GLB1L3: variants seen among roughly 807,000 people sequenced by gnomAD.
GLB1L3 encodes the protein galactosidase beta 1 like 3.
In GLB1L3, 89 loss-of-function variants were observed where a neutral mutation model predicts 89.5. The observed-to-expected ratio is 0.99, with a 90% confidence interval of 0.84 to 1.19. The LOEUF is 1.19. Among genes scored for constraint, GLB1L3 ranks in the 50% most tolerant of loss-of-function variants. The pLI, the probability that GLB1L3 is intolerant of heterozygous loss-of-function variation, is 0.00. For missense variants in GLB1L3, 812 were observed against 813.3 expected (o/e 1.00, Z 0.02); for synonymous variants, 314 against 312.3 (o/e 1.01, Z -0.06).
downstream of GLB1L3, among the ~76,000 whole-genome samples, chr11:134,323,807 G>A (rs558689653): frequency 6.6e-6 from 1 of 151,644 alleles, no homozygotes; most frequent in East Asian, 1.9e-4. Flanking sequence ...CTTTTTTGCT[G>A]AAGCTTTTTA....
At chr11:134,277,057 C>G (rs114908774) in intron 1 of GLB1L3, 1 of 571,090 alleles carries the variant, frequency 1.8e-6, no homozygotes, top group Non-Finnish European at 3.1e-6. Context: ...CGCCCGCCTC[C>G]GCCTCTCCCA....
At chr11:134,294,470 G>C (rs374948979) in intron 9 of GLB1L3, among the ~76,000 whole-genome samples, 16 of 152,324 alleles carry the variant, frequency 1.1e-4, no homozygotes, top group African/African-American at 3.8e-4. Flanking sequence ...CCTTTGCTAA[G>C]TCTTCTTCCT....
chr11:134,299,051 C>CT (rs1350352198), intron 9 of GLB1L3, among the ~76,000 whole-genome samples: 1 of 152,094 alleles, frequency 6.6e-6, no homozygotes, highest in Non-Finnish European at 1.5e-5. Flanking sequence ...ACTGACTTAT[C>CT]TTTAAGTTCG....
rs938176896 is a variant in GLB1L3, at chr11:134,313,924, C to T, written c.1580-17C>T. ...CTGGCTCATATTCTCTTTCCTGCCT[C>T]CCATCTGCATCTGCAGGAATAACTG... On this transcript the variant is annotated splice_polypyrimidine_tract_variant and intron_variant, in intron 16 of 19. Coordinates refer to ENST00000431683, the MANE Select transcript of GLB1L3 (RefSeq NM_001080407.3). The T allele has an allele frequency of 2.0e-6, 3 of 1,534,066 alleles. No homozygotes were observed. In the Admixed American group the frequency reaches 5.1e-5, roughly 26 times the overall value.
Position 134,296,836 on chromosome 11 carries a change from T to TGTAATAATAATA in GLB1L3, c.876+3627_876+3628insGTAATAATAATA, listed in dbSNP as rs1555076965. On this transcript the variant is annotated intron_variant, in intron 9 of 19. Coordinates refer to ENST00000431683, the MANE Select transcript of GLB1L3 (RefSeq NM_001080407.3). ...TGCACATGTACCCTAAAACTTAAAG[T>TGTAATAATAATA]ATAATAATAATAATAATAATAATAA... 3.4e-4 allele frequency among the ~76,000 whole-genome samples: 48 copies of TGTAATAATAATA among 142,402 alleles called. No homozygotes were observed. In the East Asian group the frequency reaches 8.5e-3, roughly 25 times the overall value. 93.4% of individuals were successfully genotyped at this position (142,402 alleles called of 152,430 possible).
intron 10 of GLB1L3, among the ~76,000 whole-genome samples, chr11:134,308,380 TCACCACCATCACCAC>T (rs1565413439): frequency 2.9e-3 from 51 of 17,514 alleles, no homozygotes; most frequent in African/African-American, 9.8e-3. Context: ...ACCACCACCA[TCACCACCATCACCAC>T]CATCACCATC....
downstream of GLB1L3, among the ~76,000 whole-genome samples, chr11:134,320,496 A>G (rs1025375165): frequency 2.0e-5 from 3 of 152,206 alleles, no homozygotes; most frequent in African/African-American, 7.2e-5. Flanking sequence ...AAACTTAACA[A>G]CAACCATGCA....
At position 134,276,416 on chromosome 11, in the gene GLB1L3, G is replaced by T. The variant is rs749498724; in HGVS notation, c.-325G>T. On this transcript the variant is annotated 5_prime_UTR_variant, in exon 1 of 20. Coordinates refer to ENST00000431683, the MANE Select transcript of GLB1L3 (RefSeq NM_001080407.3). ...GCCGGCTGTCGACCCAGGTTAGGAA[G>T]CCCGAGGTCGGGGCGTTACCCCAAG... 7 of 288,668 alleles carry T rather than the reference G, an allele frequency of 2.4e-5. No homozygotes were observed. Among genetic ancestry groups the T allele is most frequent in the Non-Finnish European group, 4.5e-5 (7 of 156,522 alleles). The allele number at this position is 288,668 out of a possible 1,614,324, so 17.9% of individuals were successfully genotyped here. A position where few individuals can be genotyped will look rare whatever the true frequency, so the allele number is the denominator to read the frequency against.
At chr11:134,283,252 G>A (rs1239379201) in intron 5 of GLB1L3, among the ~76,000 whole-genome samples, 2 of 152,048 alleles carry the variant, frequency 1.3e-5, no homozygotes, top group African/African-American at 2.4e-5. Context: ...TAGTGGAGAC[G>A]GGAGTTTCGC....
At chr11:134,298,654 T>C (rs1941779308) in intron 9 of GLB1L3, among the ~76,000 whole-genome samples, 1 of 151,834 alleles carries the variant, frequency 6.6e-6, no homozygotes, top group Non-Finnish European at 1.5e-5. Flanking sequence ...TTTCCACTTT[T>C]ACTTCTTTTT....
At chr11:134,278,150 C>T (rs1030356117) in intron 3 of GLB1L3, among the ~76,000 whole-genome samples, 2 of 152,130 alleles carry the variant, frequency 1.3e-5, no homozygotes, top group African/African-American at 4.8e-5. Context: ...GAGGTTATTT[C>T]CTCAGGATTC....
intron 10 of GLB1L3, among the ~76,000 whole-genome samples, chr11:134,307,668 A>G (rs1263276816): frequency 6.6e-6 from 1 of 152,228 alleles, no homozygotes; most frequent in Non-Finnish European, 1.5e-5. Flanking sequence ...TCAGGGGACA[A>G]CATGCAGCGA....
At chr11:134,309,978 T>C (rs1336544134) in intron 11 of GLB1L3, 2 of 580,008 alleles carry the variant, frequency 3.4e-6, no homozygotes, top group African/African-American at 1.9e-5. Context: ...GACTTAGAGC[T>C]CCGCTTCACA....
chr11:134,278,813 T>C (rs1484473279), intron 3 of GLB1L3, among the ~76,000 whole-genome samples: 2 of 152,176 alleles, frequency 1.3e-5, no homozygotes, highest in Non-Finnish European at 2.9e-5. Flanking sequence ...TCAGAAATAA[T>C]CGTTGAGTTT....
chr11:134,277,969 G>A (rs1940474045), intron 3 of GLB1L3, 57 bp downstream of exon 3: 10 of 1,562,902 alleles, frequency 6.4e-6, no homozygotes, highest in Admixed American at 5.4e-5. Context: ...CATCCTGGCC[G>A]GGAACCTGAG....
At chr11:134,316,326 CAG>C (rs1323786936) in intron 18 of GLB1L3, among the ~76,000 whole-genome samples, 6 of 151,778 alleles carry the variant, frequency 4.0e-5, no homozygotes, top group African/African-American at 1.5e-4. Context: ...TATTTCATAT[CAG>C]TGCATTATTT....
At chr11:134,293,421 C>T (rs551260415) in intron 9 of GLB1L3, among the ~76,000 whole-genome samples, 1 of 152,036 alleles carries the variant, frequency 6.6e-6, no homozygotes, top group African/African-American at 2.4e-5. Context: ...TGGATCACGT[C>T]ATGGAGATGA....
chr11:134,319,753 C>T (rs940326248), downstream of GLB1L3, among the ~76,000 whole-genome samples: 75 of 150,152 alleles, frequency 5.0e-4, 1 homozygote, highest in Admixed American at 8.7e-4. Context: ...TGTGTGCGCG[C>T]GCGCGTGCAT....
At chr11:134,276,188 A>G (rs1049393076), upstream of GLB1L3, 5 of 152,174 alleles carry the variant, frequency 3.3e-5, no homozygotes, top group African/African-American at 1.2e-4. Context: ...CTGCGCCCCA[A>G]TTCTCGCTCG....
Sources: gnomAD v4.1 joint callset for allele counts (sites outside exome capture counted in the v4.1 genomes callset) on GRCh38, gnomAD v4.1.1 for gene constraint, MANE v1.5 for transcripts, NCBI Gene and HGNC (gene_info 2026-07-23, HGNC 2026-07-21) for gene names.